OR14A16: variants seen among roughly 807,000 people sequenced by gnomAD.
The protein encoded by OR14A16 is olfactory receptor 14A16.
For synonymous variants in OR14A16, 135 were observed against 137.6 expected (o/e 0.98, Z 0.13); for missense variants, 341 against 366.5 (o/e 0.93, Z 0.57).
At chr1:247,820,571 C>G (rs1334887875) in intron 1 of OR14A16, among the ~76,000 whole-genome samples, 1 of 152,064 alleles carries the variant, frequency 6.6e-6, no homozygotes, top group East Asian at 1.9e-4. Flanking sequence ...TTGGGCCCGG[C>G]ACGGTCGTGC....
chr1:247,823,498 C>T (rs567092874), intron 1 of OR14A16, among the ~76,000 whole-genome samples: 1 of 152,054 alleles, frequency 6.6e-6, no homozygotes. Flanking sequence ...AAGACCCTGC[C>T]TCTAAAATAT....
chr1:247,822,176 C>T (rs1387329386), intron 1 of OR14A16, among the ~76,000 whole-genome samples: 2 of 151,836 alleles, frequency 1.3e-5, no homozygotes, highest in Middle Eastern at 3.2e-3. Context: ...TTAACAGAGG[C>T]TTAGGTGGCT....
chr1:247,822,891 T>G (rs1662766961), intron 1 of OR14A16, among the ~76,000 whole-genome samples: 1 of 152,164 alleles, frequency 6.6e-6, no homozygotes, highest in South Asian at 2.1e-4. Flanking sequence ...CAAACACAAA[T>G]TTTTTCCAGA....
intron 2 of OR14A16, among the ~76,000 whole-genome samples, chr1:247,818,171 G>A (rs1662662826): frequency 6.6e-6 from 1 of 152,000 alleles, no homozygotes; most frequent in African/African-American, 2.4e-5. Context: ...AGAAATGCAA[G>A]TAAAAACTAT....
chr1:247,819,547 C>A (rs1487817071), intron 1 of OR14A16, among the ~76,000 whole-genome samples: 2 of 152,078 alleles, frequency 1.3e-5, no homozygotes, highest in Non-Finnish European at 2.9e-5. Flanking sequence ...CCGACTTGAA[C>A]TTTTTGTCTT....
chr1:247,817,368 T>A lies in OR14A16; in HGVS notation c.-15-1624A>T, dbSNP rs1431462998. 4.6e-5 allele frequency among the ~76,000 whole-genome samples: 7 copies of A among 152,298 alleles called. No individual in the cohort carries two copies. In the South Asian group the frequency reaches 1.5e-3, roughly 32 times the overall value. On this transcript the variant is annotated intron_variant, in intron 2 of 2. Transcript: ENST00000641093. ...GAACAGTTAAAAATAAATGTTAGGA[T>A]TTATTCCAGAAAAAGAAGTAAAAAT...
intron 2 of OR14A16, among the ~76,000 whole-genome samples, chr1:247,817,621 T>C (rs1467627060): frequency 2.6e-5 from 4 of 152,180 alleles, no homozygotes; most frequent in Non-Finnish European, 5.9e-5. Flanking sequence ...ACAGTGGTAT[T>C]GATGATTCTG....
Position 247,815,479 on chromosome 1 carries a change from A to G in OR14A16, c.251T>C (p.Leu84Ser). ...VTAPKSIANSLIHNNSISFLG... is the reference protein window; with the variant it reads ...VTAPKSIANSSIHNNSISFLG... ...GAATGAAATGGAGTTGTTGTGTATC[A>G]AAGAATTGGCGATAGATTTGGGAGC... is the stretch of plus-strand genomic sequence containing the variant. The change falls in exon 3 of 3, where the codon TTG becomes TCG. Residue 84 changes from leucine (L) to serine (S), a missense_variant. By Grantham distance (145) the Leu-to-Ser change is moderately radical. Transcript: ENST00000641093. 6.2e-7 allele frequency: 1 copy of G among 1,614,110 alleles called. No individual in the cohort carries two copies.
In OR14A16 at chr1:247,815,695, A is replaced by G; in HGVS notation, c.35T>C (p.Leu12Pro). The G allele has an allele frequency of 6.2e-7, 1 of 1,602,948 alleles. No individual in the cohort carries two copies. Among genetic ancestry groups the G allele is most frequent in the Non-Finnish European group, 8.5e-7 (1 of 1,172,144 alleles). The change falls in exon 3 of 3, where the codon CTT becomes CCT. Residue 12 changes from leucine to proline, a missense_variant. By Grantham distance (98) the Leu-to-Pro change is moderately conservative. Coordinates refer to ENST00000641093, the MANE Select transcript of OR14A16 (RefSeq NM_001001966.2). ...ATTTTTATTGGTAGAAAACCCCATA[A>G]GGATAAATTCAGTCACGATTGTGAG... ...ANLTIVTEFILMGFSTNKNMC... is the reference protein window; with the variant it reads ...ANLTIVTEFIPMGFSTNKNMC...
chr1:247,816,112 G>A (rs1325242519), intron 2 of OR14A16, among the ~76,000 whole-genome samples: 9 of 152,002 alleles, frequency 5.9e-5, no homozygotes, highest in Non-Finnish European at 1.0e-4. Context: ...ACAAACCAAT[G>A]GCTACTACAT....
In OR14A16 at chr1:247,815,017, A is replaced by G. The variant is rs6695283; in HGVS notation, c.713T>C (p.Ile238Thr). The G allele has an allele frequency of 1, 1,613,673 of 1,614,090 alleles. 806,629 individuals are homozygous for G. Among genetic ancestry groups the G allele is most frequent in the East Asian group, 1 (44,830 of 44,830 alleles). ...CACAACCAGCAAGTGTGGAAGGCAAATAGAGTAGGCTTTTGACTGGCCTTC... is the reference window on the plus strand; with the variant it reads ...CACAACCAGCAAGTGTGGAAGGCAAGTAGAGTAGGCTTTTGACTGGCCTTC... The part of the protein sequence containing the change: ...STEGQSKAYS[I>T]CLPHLLVVLF... The change falls in exon 3 of 3, where the codon ATT (isoleucine) becomes ACT (threonine). Residue 238 changes from isoleucine to threonine, a missense_variant. By Grantham distance (89) the Ile-to-Thr change is moderately conservative. Transcript: ENST00000641093.
At chr1:247,823,199 TA>T (rs1342435668) in intron 1 of OR14A16, among the ~76,000 whole-genome samples, 1 of 151,978 alleles carries the variant, frequency 6.6e-6, no homozygotes, top group African/African-American at 2.4e-5. Flanking sequence ...AATATTAAAA[TA>T]AAATAAGCCA....
chr1:247,815,806 A>ATGTGT, intron 2 of OR14A16, 62 bp from the exon 3 acceptor site: 11 of 643,644 alleles, frequency 1.7e-5, no homozygotes, highest in Middle Eastern at 3.9e-4. Context: ...TATTAAATAT[A>ATGTGT]TATAACACAT....
chr1:247,814,833 C>A lies in OR14A16; in HGVS notation c.897G>T (p.Gly299=), dbSNP rs12734733. Residue 299 remains glycine (G), a synonymous_variant, in exon 3 of 3, where the codon GGG becomes GGT. Transcript: ENST00000641093. ...TGGTGAGCTTTCCCTTTATCAACAT[C>A]CCCAGAGCCACCTTTATGGCCTTGT... ...LRNKAIKVAL[G]MLIKGKLTKK 288,573 of 1,588,698 alleles carry A rather than the reference C, an allele frequency of 0.18. 28,219 individuals carry two copies. Among genetic ancestry groups the A allele is most frequent in the Admixed American group, 0.22 (11,924 of 54,348 alleles).
chr1:247,815,194 A>T lies in OR14A16; in HGVS notation c.536T>A (p.Ile179Asn), dbSNP rs748492840. 6.2e-7 allele frequency: 1 copy of T among 1,613,510 alleles called. No individual in the cohort carries two copies. Among genetic ancestry groups the T allele is most frequent in the Admixed American group, 1.7e-5 (1 of 59,868 alleles). Reference sequence around the variant, plus strand: ...GCAAGAAATAGCTAATAACTGGGGAATGTCACAGAAGAACTGATGGACCAT... The same window carrying T: ...GCAAGAAATAGCTAATAACTGGGGATTGTCACAGAAGAACTGATGGACCAT... The part of the protein sequence containing the change: ...SNMVHQFFCD[I>N]PQLLAISCSE... Residue 179 changes from isoleucine (I) to asparagine (N), a missense_variant, in exon 3 of 3, where the codon ATT becomes AAT. Coordinates refer to ENST00000641093, the MANE Select transcript of OR14A16 (RefSeq NM_001001966.2).
chr1:247,817,478 TCATCTTACAG>T (rs1250650847), intron 2 of OR14A16, among the ~76,000 whole-genome samples: 1 of 152,162 alleles, frequency 6.6e-6, no homozygotes, highest in Non-Finnish European at 1.5e-5. Flanking sequence ...TATTGTGACT[TCATCTTACAG>T]CATCACTAAT....
At chr1:247,823,670 C>T (rs2103288698) in intron 1 of OR14A16, among the ~76,000 whole-genome samples, 1 of 152,168 alleles carries the variant, frequency 6.6e-6, no homozygotes, top group South Asian at 2.1e-4. Context: ...ACAAAACTGT[C>T]AATTCTGAAT....
chr1:247,816,242 A>C (rs781773950), intron 2 of OR14A16, among the ~76,000 whole-genome samples: 4 of 152,014 alleles, frequency 2.6e-5, no homozygotes, highest in Non-Finnish European at 4.4e-5. Context: ...ACTATTACAG[A>C]CCTCCCTCAA....
chr1:247,823,265 G>A (rs1393764542), intron 1 of OR14A16, among the ~76,000 whole-genome samples: 5 of 152,182 alleles, frequency 3.3e-5, no homozygotes, highest in Non-Finnish European at 5.9e-5. Flanking sequence ...AAAGGTGGAA[G>A]GATCACTTGA....
Sources: gnomAD v4.1 joint callset for allele counts (sites outside exome capture counted in the v4.1 genomes callset) on GRCh38, gnomAD v4.1.1 for gene constraint, MANE v1.5 for transcripts, NCBI Gene and HGNC (gene_info 2026-07-23, HGNC 2026-07-21) for gene names.